F11: variants seen among roughly 807,000 people sequenced by gnomAD.
The protein encoded by F11 is coagualtion factor XI.
F11 carries 78 observed loss-of-function variants against 76.5 expected under a neutral mutation model. The ratio of observed to expected loss-of-function variants is 1.02; its 90% CI spans 0.85 to 1.23. The LOEUF is 1.23. F11 is among the 50% of genes most tolerant of loss of function. The pLI is 0.00. For synonymous variants in F11, 278 were observed against 276.3 expected, an observed-to-expected ratio of 1.01 and a Z score of -0.06; for missense variants, 742 against 771.4, an observed-to-expected ratio of 0.96 and a Z score of 0.45.
intron 10 of F11, 58 bp downstream of exon 10, chr4:186,280,638 A>G: frequency 7.4e-7 from 1 of 1,352,640 alleles, no homozygotes; most frequent in South Asian, 1.2e-5. Flanking sequence ...TGCTTCATAC[A>G]TCACAATCAA....
At chr4:186,273,905 T>C (rs768348098) in intron 4 of F11, among the ~76,000 whole-genome samples, 1 of 152,206 alleles carries the variant, frequency 6.6e-6, no homozygotes, top group Non-Finnish European at 1.5e-5. Flanking sequence ...AAATGTGAAT[T>C]TACAAGTCTA....
rs2094223399 is a variant in F11 at position 186,284,198 on chromosome 4, C to T, written c.1242C>T (p.His414=). Residue 414 remains histidine, a synonymous_variant, in exon 11 of 15, where the codon CAC becomes CAT. Transcript: ENST00000403665. ...TLHTTSPTQR[H]LCGGSIIGNQ... Reference sequence around the variant, plus strand: ...ACACAACCTCACCCACTCAGAGACACCTGTGTGGAGGCTCCATCATTGGAA... The same window carrying T: ...ACACAACCTCACCCACTCAGAGACATCTGTGTGGAGGCTCCATCATTGGAA... The T allele has an allele frequency of 6.2e-7, 1 of 1,614,096 alleles. No individual in the cohort carries two copies. Among genetic ancestry groups the T allele is most frequent in the Non-Finnish European group, 8.5e-7 (1 of 1,180,050 alleles).
chr4:186,268,481 A>C (rs1739672738), intron 2 of F11, among the ~76,000 whole-genome samples: 1 of 152,212 alleles, frequency 6.6e-6, no homozygotes, highest in Non-Finnish European at 1.5e-5. Context: ...CCTCTGAAAC[A>C]AGGCTCAACA....
rs1561494006 is a variant in F11 at position 186,289,435 on chromosome 4, TA to T, written c.*822del. Among the ~76,000 whole-genome samples, 1 of 152,200 alleles carries T rather than the reference TA, an allele frequency of 6.6e-6. No homozygotes were observed. Among genetic ancestry groups the T allele is most frequent in the Non-Finnish European group, 1.5e-5 (1 of 68,040 alleles). Reference sequence around the variant, plus strand: ...TATGGGCTCCCAAAGAGCTAGATCGTATATTTATTTGACAAAAATCACCATA... The same window carrying T: ...TATGGGCTCCCAAAGAGCTAGATCGTTATTTATTTGACAAAAATCACCATA... On this transcript the variant is annotated 3_prime_UTR_variant, in exon 15 of 15. Coordinates refer to ENST00000403665, the MANE Select transcript of F11 (RefSeq NM_000128.4).
chr4:186,278,487 C>T (rs1372600895), intron 7 of F11, among the ~76,000 whole-genome samples: 1 of 152,124 alleles, frequency 6.6e-6, no homozygotes, highest in Non-Finnish European at 1.5e-5. Flanking sequence ...AAAACTTTGC[C>T]TATTGGACCA....
At chr4:186,275,299 T>G in intron 5 of F11, 1 of 397,542 alleles carries the variant, frequency 2.5e-6, no homozygotes, top group South Asian at 1.8e-5. Context: ...GACACCAGCC[T>G]GACCAATATG....
chr4:186,281,489 C>T lies in F11; in HGVS notation c.1135+909C>T, dbSNP rs1740802487. Among the ~76,000 whole-genome samples, 3 of 152,074 alleles carry T rather than the reference C, an allele frequency of 2.0e-5. No homozygotes were observed. The South Asian group carries it at 6.2e-4, about 32-fold the overall frequency. On this transcript the variant is annotated intron_variant, in intron 10 of 14. Coordinates refer to ENST00000403665, the MANE Select transcript of F11 (RefSeq NM_000128.4). The stretch of plus-strand genomic sequence containing the variant: ...ATAACATAAAAGTTACAATAAAAAT[C>T]CAACCAGCAGTGTTTCCATCCCAGT...
downstream of F11, chr4:186,290,635 T>C (rs1298307913): frequency 6.6e-6 from 1 of 152,250 alleles, no homozygotes; most frequent in Non-Finnish European, 1.5e-5. Flanking sequence ...GAAGAGCTGG[T>C]ATATTCCTAT....
At chr4:186,285,526 G>A in intron 11 of F11, 112 bp from the exon 12 acceptor site, 1 of 1,108,694 alleles carries the variant, frequency 9.0e-7, no homozygotes, top group Middle Eastern at 2.8e-4. Flanking sequence ...CTACCTAAAT[G>A]TCCATCATTG....
rs1228145053 is a variant in F11 at position 186,287,899 on chromosome 4, TG to T, written c.1716+77del. 1.4e-5 allele frequency: 22 copies of T among 1,545,856 alleles called. No homozygotes were observed. The South Asian group carries it at 1.5e-4, about 10-fold the overall frequency. On this transcript the variant is annotated intron_variant, in intron 14 of 14. Coordinates refer to ENST00000403665, the MANE Select transcript of F11 (RefSeq NM_000128.4). ...TGCGTTGGGGTTTTTTTGTTTGTTT[TG>T]TTTTTTTTGTTTGTTTTTTTTTGAG...
At chr4:186,278,983 A>G (rs1251227195) in intron 7 of F11, among the ~76,000 whole-genome samples, 1 of 152,218 alleles carries the variant, frequency 6.6e-6, no homozygotes, top group African/African-American at 2.4e-5. Context: ...TACCTTACTG[A>G]CCAATTCCTA....
intron 11 of F11, among the ~76,000 whole-genome samples, chr4:186,285,187 A>C (rs955267385): frequency 1.3e-5 from 2 of 152,038 alleles, no homozygotes; most frequent in African/African-American, 4.8e-5. Flanking sequence ...TCTGCAGCAC[A>C]CTCATGTTAA....
chr4:186,283,756 C>T (rs566821911), intron 10 of F11, among the ~76,000 whole-genome samples: 55 of 152,316 alleles, frequency 3.6e-4, no homozygotes, highest in Non-Finnish European at 7.1e-4. Context: ...ATTTCTAACA[C>T]GTTCCCAGGT....
intron 4 of F11, among the ~76,000 whole-genome samples, chr4:186,273,806 T>C (rs1430013002): frequency 6.6e-6 from 1 of 152,214 alleles, no homozygotes; most frequent in Non-Finnish European, 1.5e-5. Context: ...GAAGTGACAC[T>C]TGTCTTAATA....
chr4:186,287,904 T>TG, intron 14 of F11, 81 bp downstream of exon 14: 1 of 1,529,576 alleles, frequency 6.5e-7, no homozygotes, highest in Middle Eastern at 1.7e-4. Flanking sequence ...TGTTTTGTTT[T>TG]TTTTGTTTGT....
At chr4:186,274,065 C>T in intron 4 of F11, 51 bp from the exon 5 acceptor site, 1 of 1,605,322 alleles carries the variant, frequency 6.2e-7, no homozygotes, top group Non-Finnish European at 8.5e-7. Context: ...TTGCTTAGGT[C>T]ATTGCCCCTA....
intron 12 of F11, 39 bp downstream of exon 12, chr4:186,285,852 G>T (rs1741173312): frequency 6.2e-7 from 1 of 1,605,398 alleles, no homozygotes; most frequent in Admixed American, 1.7e-5. Context: ...CTCCAATGGT[G>T]AACTGGATAA....
Position 186,288,807 on chromosome 4 carries a change from GT to G in F11, c.*196del. 1 of 628,854 alleles carries G rather than the reference GT, an allele frequency of 1.6e-6. No individual in the cohort carries two copies. Among genetic ancestry groups the G allele is most frequent in the South Asian group, 1.8e-5 (1 of 54,228 alleles). 39.0% of individuals were successfully genotyped at this position (628,854 alleles called of 1,614,324 possible). ...AAACTCCCGTTCTATGATCGTTGTA[GT>G]TTGTTTGAGCATTCAGTCTCTTTGT... On this transcript the variant is annotated 3_prime_UTR_variant, in exon 15 of 15. Transcript: ENST00000403665.
intron 5 of F11, among the ~76,000 whole-genome samples, chr4:186,275,349 G>T (rs190911094): frequency 7.0e-4 from 107 of 152,264 alleles, no homozygotes; most frequent in African/African-American, 2.5e-3. Context: ...ACAAAAATTA[G>T]CCAGGCGCGG....
Sources: allele counts gnomAD v4.1 joint callset (sites outside exome capture counted in the v4.1 genomes callset), GRCh38; gene constraint gnomAD v4.1.1; transcripts MANE v1.5; gene names NCBI Gene and HGNC (gene_info 2026-07-23, HGNC 2026-07-21).